BPTF: variants seen among roughly 807,000 people sequenced by gnomAD.
BPTF encodes nucleosome-remodeling factor subunit BPTF.
In BPTF, 18 loss-of-function variants were observed where a neutral mutation model predicts 292.5. The observed-to-expected ratio is 0.06, with a 90% confidence interval of 0.04 to 0.09. BPTF has a LOEUF of 0.09. Among genes scored for constraint, BPTF ranks in the 10% least tolerant of loss-of-function variants. The probability of loss-of-function intolerance (pLI) is 1.00; values close to 1 mark genes in which losing one functional copy is unlikely to be tolerated. For synonymous variants in BPTF, 1,225 were observed against 1,251.9 expected (o/e 0.98, Z 0.45); for missense variants, 2,726 against 3,498.7 (o/e 0.78, Z 5.57).
At chr17:67,940,400 G>A in intron 18 of BPTF, 39 bp from the exon 19 acceptor site, 1 of 1,555,740 alleles carries the variant, frequency 6.4e-7, no homozygotes, top group Non-Finnish European at 8.8e-7. Flanking sequence ...ATAATGCCAA[G>A]GGTGTATAAG....
intron 1 of BPTF, among the ~76,000 whole-genome samples, chr17:67,840,018 T>C (rs1179468999): frequency 1.3e-5 from 2 of 152,116 alleles, no homozygotes; most frequent in Non-Finnish European, 2.9e-5. Context: ...AATTTGCTTG[T>C]CCCTAATGAC....
In BPTF at chr17:67,865,873, G is replaced by A. The variant is rs182870680; in HGVS notation, c.1437-591G>A. ...TTCGATTGTCCAGAAGTAAAGAAGA[G>A]GGATGAGATATTATTTGAGATAACT... On this transcript the variant is annotated intron_variant, in intron 2 of 27. Transcript: ENST00000306378. Among the ~76,000 whole-genome samples the A allele has an allele frequency of 1.5e-3, 231 of 152,258 alleles. 1 individual carries two copies. Among genetic ancestry groups the A allele is most frequent in the African/African-American group, 5.3e-3 (222 of 41,548 alleles).
chr17:67,950,513 C>A (rs2066250740), intron 23 of BPTF, among the ~76,000 whole-genome samples: 2 of 151,922 alleles, frequency 1.3e-5, no homozygotes, highest in African/African-American at 4.8e-5. Flanking sequence ...ATGATTATTA[C>A]ATCAAAACCC....
At chr17:67,894,595 C>T (rs951854123) in intron 7 of BPTF, among the ~76,000 whole-genome samples, 3 of 152,112 alleles carry the variant, frequency 2.0e-5, no homozygotes, top group East Asian at 1.9e-4. Flanking sequence ...CCCAAAGTGC[C>T]GGGATTACAG....
chr17:67,940,063 TATTAA>T (rs5821447), intron 18 of BPTF, among the ~76,000 whole-genome samples: 33,203 of 152,070 alleles, frequency 0.22, 4,225 homozygotes, highest in East Asian at 0.67. Context: ...ATTAATTTTT[TATTAA>T]ATTAGCACTT....
intron 4 of BPTF, among the ~76,000 whole-genome samples, chr17:67,879,724 G>A (rs900091827): frequency 6.6e-6 from 1 of 152,200 alleles, no homozygotes; most frequent in Non-Finnish European, 1.5e-5. Context: ...AGGGGAGCCA[G>A]TGTATATTGA....
intron 1 of BPTF, among the ~76,000 whole-genome samples, chr17:67,830,126 A>G (rs928299025): frequency 1.3e-5 from 2 of 152,262 alleles, no homozygotes; most frequent in Admixed American, 6.5e-5. Context: ...GAAGGATTGT[A>G]TAGGAAGTGT....
intron 10 of BPTF, among the ~76,000 whole-genome samples, chr17:67,910,267 T>TG (rs1434147831): frequency 1.2e-4 from 19 of 152,354 alleles, no homozygotes; most frequent in African/African-American, 4.6e-4. Flanking sequence ...CATCAGTTGA[T>TG]GGACATTGGG....
intron 23 of BPTF, among the ~76,000 whole-genome samples, chr17:67,954,302 G>T (rs2066716955): frequency 6.6e-6 from 1 of 151,874 alleles, no homozygotes; most frequent in Non-Finnish European, 1.5e-5. Context: ...CAAAGTGCTG[G>T]GATTACAGGC....
At chr17:67,895,854 TAG>T (rs1464903632) in intron 7 of BPTF, among the ~76,000 whole-genome samples, 1 of 148,290 alleles carries the variant, frequency 6.7e-6, no homozygotes, top group Non-Finnish European at 1.5e-5. Flanking sequence ...CCTAGTACAG[TAG>T]AGAGACTTTT....
intron 9 of BPTF, among the ~76,000 whole-genome samples, chr17:67,906,420 G>C (rs975791409): frequency 6.6e-6 from 1 of 152,122 alleles, no homozygotes; most frequent in Non-Finnish European, 1.5e-5. Context: ...TGGCTAATGA[G>C]CTTTAGTATT....
At chr17:67,883,535 C>G (rs1466632437) in intron 4 of BPTF, among the ~76,000 whole-genome samples, 2 of 152,016 alleles carry the variant, frequency 1.3e-5, no homozygotes, top group Non-Finnish European at 2.9e-5. Flanking sequence ...CCATGTCTTT[C>G]TTTTCTAAGT....
chr17:67,851,531 GAGAAT>G (rs1428456396), intron 1 of BPTF, among the ~76,000 whole-genome samples: 3 of 152,238 alleles, frequency 2.0e-5, no homozygotes, highest in African/African-American at 2.4e-5. Context: ...AAAGTAGAAA[GAGAAT>G]AGAATAGAAA....
chr17:67,896,733 A>G (rs912890620), intron 7 of BPTF, among the ~76,000 whole-genome samples: 1 of 152,236 alleles, frequency 6.6e-6, no homozygotes, highest in African/African-American at 2.4e-5. Context: ...TCATAAAACT[A>G]GAAGACATTT....
At chr17:67,955,017 C>G (rs4790973) in intron 23 of BPTF, among the ~76,000 whole-genome samples, 1 of 151,948 alleles carries the variant, frequency 6.6e-6, no homozygotes, top group African/African-American at 2.4e-5. Flanking sequence ...TGGCCGGGTA[C>G]GGTGGCTCAT....
At chr17:67,876,213 G>A (rs1199831746) in intron 4 of BPTF, among the ~76,000 whole-genome samples, 1 of 152,128 alleles carries the variant, frequency 6.6e-6, no homozygotes. Flanking sequence ...GATGTATTTT[G>A]ACATAAAAAT....
chr17:67,911,761 T>C lies in BPTF; in HGVS notation c.3877T>C (p.Ser1293Pro). The change falls in exon 11 of 28, where the codon TCT becomes CCT. Residue 1293 changes from serine (S) to proline (P), a missense_variant. Around this residue, in one of 22 missense-constraint regions of BPTF, gnomAD observed 713 missense variants for 714.9 expected, o/e 1.00. Transcript: ENST00000306378. ...SESNSTLENS[S>P]DTVSIQDSSE... ...ATCTAATAGCACTTTGGAAAATAGT[T>C]CTGATACCGTGTCTATTCAGGATAG... 1 of 1,614,200 alleles carries C rather than the reference T, an allele frequency of 6.2e-7. No homozygotes were observed. The highest frequency in any genetic ancestry group is 8.5e-7 in the Non-Finnish European group (1 of 1,180,028).
At chr17:67,963,048 T>A (rs1248738945) in intron 24 of BPTF, among the ~76,000 whole-genome samples, 3 of 152,170 alleles carry the variant, frequency 2.0e-5, no homozygotes, top group Non-Finnish European at 4.4e-5. Flanking sequence ...TTACCATCAA[T>A]GTGTTGTTTC....
chr17:67,859,121 TA>T (rs1396744612), intron 2 of BPTF, among the ~76,000 whole-genome samples: 1 of 152,140 alleles, frequency 6.6e-6, no homozygotes, highest in African/African-American at 2.4e-5. Context: ...GTAGGTACTA[TA>T]TTTTTTAATT....
Sources: allele counts gnomAD v4.1 joint callset (sites outside exome capture counted in the v4.1 genomes callset), GRCh38; gene constraint gnomAD v4.1.1; regional missense constraint gnomAD v4.1.1; transcripts MANE v1.5; gene names NCBI Gene and HGNC (gene_info 2026-07-23, HGNC 2026-07-21).